Variants in ACVR2B observed in about 807,000 individuals in gnomAD.
ACVR2B encodes the protein activin receptor type-2B.
ACVR2B carries 18 observed loss-of-function variants against 65.1 expected under a neutral mutation model. That is an observed-to-expected ratio of 0.28 (90% CI 0.19 to 0.41). ACVR2B has a LOEUF of 0.41. ACVR2B is among the 10% of genes least tolerant of loss of function. The pLI, the probability that ACVR2B is intolerant of heterozygous loss-of-function variation, is 1.00. For missense variants in ACVR2B, 482 were observed against 682.7 expected (o/e 0.71, Z 3.28); for synonymous variants, 298 against 277.7 (o/e 1.07, Z -0.73).
chr3:38,462,038 CA>C (rs1164131815), intron 1 of ACVR2B, among the ~76,000 whole-genome samples: 3 of 151,802 alleles, frequency 2.0e-5, no homozygotes, highest in Non-Finnish European at 4.4e-5. Context: ...ACTAAAAATA[CA>C]AAAAATTAGC....
chr3:38,477,789 G>A lies in ACVR2B; in HGVS notation c.261-72G>A. 1 of 1,475,478 alleles carries A rather than the reference G, an allele frequency of 6.8e-7. No individual in the cohort carries two copies. The highest frequency in any genetic ancestry group is 9.5e-7 in the Non-Finnish European group (1 of 1,053,542). The allele number at this position is 1,475,478 out of a possible 1,614,324, so 91.4% of individuals were successfully genotyped here. A position where few individuals can be genotyped will look rare whatever the true frequency, so the allele number is the denominator to read the frequency against. ...TGAGGTGCTCTGTCTGTGAGGAGGGGTTGGCAGGGCAGGCCTGGGGGAGTC... is the reference window on the plus strand; with the variant it reads ...TGAGGTGCTCTGTCTGTGAGGAGGGATTGGCAGGGCAGGCCTGGGGGAGTC... On this transcript the variant is annotated intron_variant, in intron 2 of 10. Transcript: ENST00000352511. This position sits in a 1 kb window ranked among gnomAD's most constrained non-coding sequence, Gnocchi z 6.7.
rs1182231171 is a variant in ACVR2B, at chr3:38,482,571, T to C, written c.1344+11T>C. The C allele has an allele frequency of 1.9e-6, 3 of 1,608,710 alleles. No individual in the cohort carries two copies. The Admixed American group carries it at 5.1e-5, about 27-fold the overall frequency. On this transcript the variant is annotated intron_variant, in intron 10 of 10. Coordinates refer to ENST00000352511, the MANE Select transcript of ACVR2B (RefSeq NM_001106.4). ...TGGTTGAAACACCCGGTAAGGGGCC[T>C]GGTTCAGGCAACTTTGCAGGGGGGT...
In ACVR2B at chr3:38,485,241, C is replaced by G. The variant is rs2125728389; in HGVS notation, c.*1909C>G. 6.6e-6 allele frequency: 1 copy of G among 152,370 alleles called. No homozygotes were observed. Among genetic ancestry groups the G allele is most frequent in the East Asian group, 1.9e-4 (1 of 5,190 alleles). 9.4% of individuals were successfully genotyped at this position (152,370 alleles called of 1,614,324 possible). On this transcript the variant is annotated 3_prime_UTR_variant, in exon 11 of 11. Transcript: ENST00000352511. ...CTTGATCGGTCAGTGTTCAGAATGA[C>G]AAGTAACCCCGCTTAAACTTGGTAG...
rs1015369704 is a variant in ACVR2B, at chr3:38,462,677, T to A, written c.52+8303T>A. On this transcript the variant is annotated intron_variant, in intron 1 of 10. Coordinates refer to ENST00000352511, the MANE Select transcript of ACVR2B (RefSeq NM_001106.4). The stretch of plus-strand genomic sequence containing the variant: ...TATGGATCTACTTTGATCTTTTTAA[T>A]AACTACGTAATATTCTAAAGTTTAA... 2.0e-5 allele frequency among the ~76,000 whole-genome samples: 3 copies of A among 152,246 alleles called. No individual in the cohort carries two copies. In the East Asian group the frequency reaches 5.8e-4, roughly 29 times the overall value.
At chr3:38,457,819 G>C (rs1377048981) in intron 1 of ACVR2B, among the ~76,000 whole-genome samples, 1 of 152,172 alleles carries the variant, frequency 6.6e-6, no homozygotes, top group African/African-American at 2.4e-5. Context: ...AGGGCGGAGG[G>C]AGTGAGCTCA....
chr3:38,477,387 C>G lies in ACVR2B; in HGVS notation c.153C>G (p.Gly51=), dbSNP rs551896195. The G allele has an allele frequency of 6.2e-7, 1 of 1,614,176 alleles. No individual in the cohort carries two copies. The highest frequency in any genetic ancestry group is 2.2e-5 in the East Asian group (1 of 44,872). The change falls in exon 2 of 11, where the codon GGC becomes GGG. Residue 51 remains glycine, a synonymous_variant. Transcript: ENST00000352511. The surrounding 1 kb of genome is among the most constrained non-coding windows in gnomAD (Gnocchi z 6.7). ...AGAGCGGCCTGGAGCGCTGCGAAGG[C>G]GAGCAGGACAAGCGGCTGCACTGCT... ...TNQSGLERCE[G]EQDKRLHCYA... is the part of the protein sequence containing the mutation.
At chr3:38,479,373 G>A (rs1709976621) in intron 6 of ACVR2B, 102 bp downstream of exon 6, 1 of 1,546,584 alleles carries the variant, frequency 6.5e-7, no homozygotes, top group Non-Finnish European at 8.9e-7. Context: ...TGTCCACCAT[G>A]AAGTACTCTG....
At chr3:38,465,229 T>G (rs955058073) in intron 1 of ACVR2B, among the ~76,000 whole-genome samples, 1 of 151,686 alleles carries the variant, frequency 6.6e-6, no homozygotes, top group African/African-American at 2.4e-5. Context: ...AAACCCTGTC[T>G]CTACTAAAAA....
Position 38,489,436 on chromosome 3 carries a change from C to T in ACVR2B, c.*6104C>T, listed in dbSNP as rs1435995848. Reference sequence around the variant, plus strand: ...GAGCATGAGTGGTGTGGAACTTTTACTTAGTGTTTATATGGATTCTTGTGA... The same window carrying T: ...GAGCATGAGTGGTGTGGAACTTTTATTTAGTGTTTATATGGATTCTTGTGA... On this transcript the variant is annotated 3_prime_UTR_variant, in exon 11 of 11. Transcript: ENST00000352511. 1.3e-5 allele frequency: 2 copies of T among 152,532 alleles called. No homozygotes were observed. The highest frequency in any genetic ancestry group is 1.3e-4 in the Admixed American group (2 of 15,274). 9.4% of individuals were successfully genotyped at this position (152,532 alleles called of 1,614,324 possible).
At chr3:38,465,194 C>G (rs541434764) in intron 1 of ACVR2B, among the ~76,000 whole-genome samples, 2 of 151,956 alleles carry the variant, frequency 1.3e-5, no homozygotes, top group Admixed American at 1.3e-4. Context: ...GACAGGAGTT[C>G]AAGACCAACC....
chr3:38,472,548 G>A (rs981529298), intron 1 of ACVR2B, among the ~76,000 whole-genome samples: 1 of 151,678 alleles, frequency 6.6e-6, no homozygotes. Flanking sequence ...TTCTCACCTG[G>A]TGAGTGGCAC....
chr3:38,454,340 G>A lies in ACVR2B; in HGVS notation c.18G>A (p.Val6=). Residue 6 remains valine, a synonymous_variant, in exon 1 of 11, where the codon GTG becomes GTA. Coordinates refer to ENST00000352511, the MANE Select transcript of ACVR2B (RefSeq NM_001106.4). ...CGCGGAACATGACGGCGCCCTGGGT[G>A]GCCCTCGCCCTCCTCTGGGGATCGC... is the stretch of plus-strand genomic sequence containing the variant. MTAPW[V]ALALLWGSLC... The A allele has an allele frequency of 7.7e-7, 1 of 1,301,466 alleles. No homozygotes were observed. The highest frequency in any genetic ancestry group is 2.4e-5 in the South Asian group (1 of 41,120). 80.6% of individuals were successfully genotyped at this position (1,301,466 alleles called of 1,614,324 possible).
At position 38,477,834 on chromosome 3, in the gene ACVR2B, GGT is replaced by G; in HGVS notation, c.261-26_261-25del. 1 of 1,609,112 alleles carries G rather than the reference GGT, an allele frequency of 6.2e-7. No individual in the cohort carries two copies. Among genetic ancestry groups the G allele is most frequent in the Non-Finnish European group, 8.5e-7 (1 of 1,175,582 alleles). On this transcript the variant is annotated intron_variant, in intron 2 of 10. Transcript: ENST00000352511. This position sits in a 1 kb window ranked among gnomAD's most constrained non-coding sequence, Gnocchi z 6.7. ...GGAGTCTTGCATCCCCCAGGTGAGG[GGT>G]ATATGGAAAATTCTGTGCCTCCAGG... is the stretch of plus-strand genomic sequence containing the variant.
chr3:38,482,701 G>T, intron 10 of ACVR2B, 141 bp downstream of exon 10: 2 of 1,256,814 alleles, frequency 1.6e-6, no homozygotes, highest in South Asian at 2.8e-5. Flanking sequence ...TGTGTTCCAG[G>T]GGTTATGGGG....
rs2059812640 is a variant in ACVR2B, at chr3:38,491,855, A to G, written c.*8523A>G. 1 of 152,178 alleles carries G rather than the reference A, an allele frequency of 6.6e-6. No homozygotes were observed. Among genetic ancestry groups the G allele is most frequent in the African/African-American group, 2.4e-5 (1 of 41,444 alleles). 9.4% of individuals were successfully genotyped at this position (152,178 alleles called of 1,614,324 possible). On this transcript the variant is annotated 3_prime_UTR_variant, in exon 11 of 11. Transcript: ENST00000352511. ...GAGGGTTACCGCAGAGTAGAAATATATTTCTAGATTTCAGTTCCACACCAC... is the reference window on the plus strand; with the variant it reads ...GAGGGTTACCGCAGAGTAGAAATATGTTTCTAGATTTCAGTTCCACACCAC...
intron 1 of ACVR2B, among the ~76,000 whole-genome samples, chr3:38,457,555 T>C (rs922535598): frequency 6.6e-6 from 1 of 152,204 alleles, no homozygotes; most frequent in Non-Finnish European, 1.5e-5. Context: ...AACAAGCCAT[T>C]TGGCTCTTGC....
At position 38,491,332 on chromosome 3, in the gene ACVR2B, C is replaced by T. The variant is rs1165050984; in HGVS notation, c.*8000C>T. The T allele has an allele frequency of 6.6e-6, 1 of 152,624 alleles. No individual in the cohort carries two copies. Among genetic ancestry groups the T allele is most frequent in the Non-Finnish European group, 1.5e-5 (1 of 68,042 alleles). The allele number at this position is 152,624 out of a possible 1,614,324, so 9.5% of individuals were successfully genotyped here. A position where few individuals can be genotyped will look rare whatever the true frequency, so the allele number is the denominator to read the frequency against. ...AGCATGGGCTACCTTCCTGGGCTCT[C>T]CTGCAGTCCTGTAGACCTGCTGTTC... On this transcript the variant is annotated 3_prime_UTR_variant, in exon 11 of 11. Transcript: ENST00000352511.
intron 1 of ACVR2B, chr3:38,475,148 G>A (rs1709885606): frequency 6.6e-6 from 1 of 152,332 alleles, no homozygotes; most frequent in Non-Finnish European, 1.5e-5. Flanking sequence ...CAGGCAGACA[G>A]GGACAATGTA....
rs1218652265 is a variant in ACVR2B at position 38,484,494 on chromosome 3, TC to T, written c.*1166del. On this transcript the variant is annotated 3_prime_UTR_variant, in exon 11 of 11. Transcript: ENST00000352511. The stretch of plus-strand genomic sequence containing the variant: ...TCCGCCCCAGGTGGTGACATTACTG[TC>T]CCCGTTCTGTGGCTCGTGGACAAGA... 1 of 152,214 alleles carries T rather than the reference TC, an allele frequency of 6.6e-6. No homozygotes were observed. Among genetic ancestry groups the T allele is most frequent in the Admixed American group, 6.5e-5 (1 of 15,284 alleles). The allele number at this position is 152,214 out of a possible 1,614,324, so 9.4% of individuals were successfully genotyped here.
Sources: allele counts gnomAD v4.1 joint callset (sites outside exome capture counted in the v4.1 genomes callset), GRCh38; gene constraint gnomAD v4.1.1; non-coding constraint Gnocchi (gnomAD v3.1); transcripts MANE v1.5; gene names NCBI Gene and HGNC (gene_info 2026-07-23, HGNC 2026-07-21).